EBF2: variants seen among roughly 807,000 people sequenced by gnomAD.
The protein encoded by EBF2 is EBF transcription factor 2, also known as transcription factor COE2.
Under a neutral mutation model 72.8 loss-of-function variants are expected in EBF2, and 21 were observed. That is an observed-to-expected ratio of 0.29 (90% CI 0.20 to 0.42). EBF2 has a LOEUF of 0.42. Among genes scored for constraint, EBF2 ranks in the 10% least tolerant of loss-of-function variants. The pLI, the probability that EBF2 is intolerant of heterozygous loss-of-function variation, is 1.00. For synonymous variants in EBF2, 299 were observed against 274.2 expected, an observed-to-expected ratio of 1.09 and a Z score of -0.89; for missense variants, 637 against 731.2, an observed-to-expected ratio of 0.87 and a Z score of 1.49.
chr8:25,850,968 A>T (rs958861100), intron 14 of EBF2, among the ~76,000 whole-genome samples: 1 of 152,064 alleles, frequency 6.6e-6, no homozygotes, highest in Non-Finnish European at 1.5e-5. Context: ...TAATGACGCT[A>T]TTAGAGGAAG....
chr8:25,856,318 C>G (rs747927198), intron 14 of EBF2, among the ~76,000 whole-genome samples: 4 of 152,074 alleles, frequency 2.6e-5, no homozygotes, highest in Non-Finnish European at 5.9e-5. Flanking sequence ...TCAAAATGGT[C>G]AAATAGAGGG....
chr8:25,972,688 G>A (rs529725564), intron 6 of EBF2, among the ~76,000 whole-genome samples: 1 of 152,190 alleles, frequency 6.6e-6, no homozygotes, highest in Admixed American at 6.5e-5. Context: ...AGGAAGCCGG[G>A]ACCCACGCCC....
chr8:25,941,578 T>C (rs768313194), intron 6 of EBF2, among the ~76,000 whole-genome samples: 1 of 152,136 alleles, frequency 6.6e-6, no homozygotes, highest in Non-Finnish European at 1.5e-5. Context: ...TACCACAGAT[T>C]AGCAAAGGAG....
chr8:25,929,851 G>A (rs1585198862), intron 6 of EBF2, among the ~76,000 whole-genome samples: 1 of 152,208 alleles, frequency 6.6e-6, no homozygotes, highest in East Asian at 1.9e-4. Context: ...GGGTAGAAAG[G>A]GCTAAGGTTT....
At chr8:26,005,137 G>A (rs1208152942) in intron 6 of EBF2, among the ~76,000 whole-genome samples, 2 of 140,300 alleles carry the variant, frequency 1.4e-5, no homozygotes, top group African/African-American at 2.7e-5. Context: ...GCTTCCTACC[G>A]GTCATGGGAA....
chr8:25,946,474 T>C (rs1803770657), intron 6 of EBF2, among the ~76,000 whole-genome samples: 1 of 152,194 alleles, frequency 6.6e-6, no homozygotes, highest in Admixed American at 6.5e-5. Flanking sequence ...GGGTGGCAGG[T>C]GAGGGGCAAT....
At chr8:25,868,911 C>T (rs770032246) in intron 10 of EBF2, among the ~76,000 whole-genome samples, 1 of 152,144 alleles carries the variant, frequency 6.6e-6, no homozygotes, top group Admixed American at 6.5e-5. Context: ...ACCTCTTTCT[C>T]TCCACTTATA....
chr8:25,853,418 C>T (rs1802022693), intron 14 of EBF2, among the ~76,000 whole-genome samples: 2 of 151,944 alleles, frequency 1.3e-5, no homozygotes. Context: ...CAAGAGAGAT[C>T]CATATAGAAA....
At chr8:25,899,690 C>T (rs1190586125) in intron 7 of EBF2, among the ~76,000 whole-genome samples, 5 of 152,268 alleles carry the variant, frequency 3.3e-5, no homozygotes, top group South Asian at 4.2e-4. Flanking sequence ...CATGAGTAGC[C>T]GTGCCCTTTG....
At chr8:26,037,662 G>A (rs900158130) in intron 5 of EBF2, among the ~76,000 whole-genome samples, 1 of 152,158 alleles carries the variant, frequency 6.6e-6, no homozygotes, top group African/African-American at 2.4e-5. Context: ...GCCTTGAGAC[G>A]ACTTCTGTTC....
intron 10 of EBF2, among the ~76,000 whole-genome samples, chr8:25,873,067 A>G (rs557121998): frequency 6.6e-6 from 1 of 151,982 alleles, no homozygotes; most frequent in East Asian, 1.9e-4. Context: ...TTCCTTGTCT[A>G]TTTGTCTCCC....
chr8:25,981,419 T>C (rs1454260733), intron 6 of EBF2, among the ~76,000 whole-genome samples: 1 of 151,710 alleles, frequency 6.6e-6, no homozygotes, highest in Non-Finnish European at 1.5e-5. Context: ...AGTATCTGGG[T>C]TCCAAAATGA....
rs576213914 is a variant in EBF2, at chr8:26,018,303, G to A, written c.551+14782C>T. ...AAAAAAGACAGACATAAAATGAGAG[G>A]AAAGGAAGAAGAGAAAAGGCTGCAA... is the stretch of plus-strand genomic sequence containing the variant. On this transcript the variant is annotated intron_variant, in intron 6 of 15. Coordinates refer to ENST00000520164, the MANE Select transcript of EBF2 (RefSeq NM_022659.4). Among the ~76,000 whole-genome samples the A allele has an allele frequency of 9.4e-4, 142 of 151,208 alleles. 2 individuals carry two copies. The highest frequency in any genetic ancestry group is 1.3e-4 in the Non-Finnish European group (9 of 67,872).
At chr8:25,870,210 TTGA>T (rs1389772922) in intron 10 of EBF2, among the ~76,000 whole-genome samples, 1 of 151,988 alleles carries the variant, frequency 6.6e-6, no homozygotes, top group Non-Finnish European at 1.5e-5. Flanking sequence ...GCAAACAGAC[TTGA>T]TGATGAAATT....
At chr8:25,957,336 T>C (rs1803967183) in intron 6 of EBF2, among the ~76,000 whole-genome samples, 1 of 152,228 alleles carries the variant, frequency 6.6e-6, no homozygotes, top group African/African-American at 2.4e-5. Context: ...GGCTCTAAAA[T>C]ACACTGGGTA....
chr8:25,887,094 CCT>C (rs1563389069), intron 9 of EBF2, among the ~76,000 whole-genome samples: 1 of 148,192 alleles, frequency 6.7e-6, no homozygotes, highest in Non-Finnish European at 1.5e-5. Context: ...TCTGTCTGTC[CCT>C]CTCTCTGTGT....
intron 6 of EBF2, among the ~76,000 whole-genome samples, chr8:25,911,731 A>C (rs1803133798): frequency 6.6e-6 from 1 of 152,226 alleles, no homozygotes; most frequent in Admixed American, 6.5e-5. Context: ...TGGGGAAAGA[A>C]ACCACTGAAA....
chr8:25,999,114 T>A (rs928347895), intron 6 of EBF2, among the ~76,000 whole-genome samples: 1 of 152,166 alleles, frequency 6.6e-6, no homozygotes, highest in African/African-American at 2.4e-5. Flanking sequence ...CTCTTAGTTA[T>A]AAACAAGCTT....
intron 6 of EBF2, among the ~76,000 whole-genome samples, chr8:26,013,604 A>G (rs1378835026): frequency 6.6e-6 from 1 of 152,030 alleles, no homozygotes; most frequent in Non-Finnish European, 1.5e-5. Flanking sequence ...GGTACCCCCA[A>G]ATAGCAAATT....
Sources: allele counts gnomAD v4.1 joint callset (sites outside exome capture counted in the v4.1 genomes callset), GRCh38; gene constraint gnomAD v4.1.1; transcripts MANE v1.5; gene names NCBI Gene and HGNC (gene_info 2026-07-23, HGNC 2026-07-21).